Variants in CASK observed in about 807,000 individuals in gnomAD.
The protein encoded by CASK is calcium/calmodulin dependent serine protein kinase.
CASK carries 4 observed loss-of-function variants against 82.9 expected under a neutral mutation model. That is an observed-to-expected ratio of 0.05 (90% confidence interval 0.02 to 0.11). The LOEUF (loss-of-function observed/expected upper bound fraction) is 0.11, where lower values mean the gene tolerates loss of function less well. Among genes scored for constraint, CASK ranks in the 10% least tolerant of loss-of-function variants. The pLI, the probability that CASK is intolerant of heterozygous loss-of-function variation, is 1.00. For synonymous variants in CASK, 259 were observed against 253.5 expected (o/e 1.02, Z -0.20); for missense variants, 358 against 720.9 (o/e 0.50, Z 5.76).
intron 1 of CASK, among the ~76,000 whole-genome samples, chrX:41,878,167 A>T (rs989708364): frequency 1.8e-4 from 18 of 98,107 alleles, no homozygotes; most frequent in Non-Finnish European, 3.3e-4. Context: ...AAATATTCTT[A>T]AAAAAAAAAA....
At chrX:41,678,725 G>C (rs1309232825) in intron 5 of CASK, among the ~76,000 whole-genome samples, 1 of 111,042 alleles carries the variant, frequency 9.0e-6, no homozygotes, top group African/African-American at 3.3e-5. Context: ...TCAACATTTT[G>C]TTATGAAAAC....
At chrX:41,856,056 A>G (rs1291751363) in intron 1 of CASK, among the ~76,000 whole-genome samples, 2 of 112,325 alleles carry the variant, frequency 1.8e-5, no homozygotes, top group Non-Finnish European at 3.8e-5. Context: ...ACACAGACTA[A>G]TATCCTCTAG....
chrX:41,906,237 C>G (rs979605513), intron 1 of CASK, among the ~76,000 whole-genome samples: 7 of 112,015 alleles, frequency 6.2e-5, no homozygotes, highest in Non-Finnish European at 1.1e-4. Flanking sequence ...AGACACTACT[C>G]TAGGTTGTAG....
intron 16 of CASK, among the ~76,000 whole-genome samples, chrX:41,566,762 A>G (rs897078170): frequency 4.8e-5 from 5 of 103,168 alleles, no homozygotes; most frequent in African/African-American, 1.7e-4. Flanking sequence ...GGACCCAAAA[A>G]AGAGCCCGCA....
chrX:41,848,240 G>A (rs2071196629), intron 2 of CASK, among the ~76,000 whole-genome samples: 1 of 111,581 alleles, frequency 9.0e-6, no homozygotes, highest in Non-Finnish European at 1.9e-5. Flanking sequence ...ATTGCAAGAG[G>A]GGTTGCTATA....
intron 4 of CASK, among the ~76,000 whole-genome samples, chrX:41,740,560 C>T: frequency 9.0e-6 from 1 of 111,431 alleles, no homozygotes; most frequent in Non-Finnish European, 1.9e-5. Flanking sequence ...TTTAATCAAG[C>T]TCACAGGAAT....
intron 2 of CASK, among the ~76,000 whole-genome samples, chrX:41,796,562 A>G (rs1271136638): frequency 8.9e-6 from 1 of 112,129 alleles, no homozygotes; most frequent in Non-Finnish European, 1.9e-5. Flanking sequence ...CCTCAAGATG[A>G]CCATAGGGTT....
chrX:41,873,785 CTTTTTTT>C (rs781735208), intron 1 of CASK, among the ~76,000 whole-genome samples: 3 of 88,603 alleles, frequency 3.4e-5, no homozygotes, highest in Non-Finnish European at 4.5e-5. Flanking sequence ...TTTGTTGTTC[CTTTTTTT>C]TTTTTTTTTT....
intron 2 of CASK, among the ~76,000 whole-genome samples, chrX:41,847,950 T>C (rs954065564): frequency 1.8e-5 from 2 of 112,287 alleles, no homozygotes; most frequent in African/African-American, 3.2e-5. Flanking sequence ...CCTTCTTAGA[T>C]TTTTCCTGAG....
At chrX:41,658,298 A>G (rs185508950) in intron 8 of CASK, among the ~76,000 whole-genome samples, 193 of 112,259 alleles carry the variant, frequency 1.7e-3, no homozygotes, top group Non-Finnish European at 3.0e-3. Flanking sequence ...GGTGTCCCCA[A>G]TTTGTAGTTG....
At chrX:41,835,079 G>A (rs892030852) in intron 2 of CASK, among the ~76,000 whole-genome samples, 2 of 111,706 alleles carry the variant, frequency 1.8e-5, no homozygotes, top group African/African-American at 3.3e-5. Flanking sequence ...AATTCTCTAC[G>A]TCACATAATG....
chrX:41,624,877 C>T (rs2066340323), intron 10 of CASK, among the ~76,000 whole-genome samples: 4 of 110,652 alleles, frequency 3.6e-5, no homozygotes, highest in African/African-American at 1.3e-4. Flanking sequence ...GGCCTCAGTC[C>T]CAGTGGTAAT....
chrX:41,808,466 CTAAA>C (rs1238670995), intron 2 of CASK, among the ~76,000 whole-genome samples: 1 of 111,960 alleles, frequency 8.9e-6, no homozygotes, highest in Non-Finnish European at 1.9e-5. Context: ...CACTGAAATG[CTAAA>C]TAAATGTTAG....
chrX:41,829,696 GATATATATATATATAT>G (rs55730177), intron 2 of CASK, among the ~76,000 whole-genome samples: 17 of 16,259 alleles, frequency 1.0e-3, no homozygotes, highest in East Asian at 8.1e-3. Flanking sequence ...TAGGTCACAA[GATATATATATATATAT>G]ATATATATAT....
intron 16 of CASK, among the ~76,000 whole-genome samples, chrX:41,564,558 C>T (rs781155918): frequency 1.3e-4 from 14 of 111,241 alleles, no homozygotes; most frequent in Non-Finnish European, 2.5e-4. Flanking sequence ...AAGAATAGGA[C>T]GGGATGTCTA....
chrX:41,766,712 C>T (rs1457251177), intron 3 of CASK, among the ~76,000 whole-genome samples: 1 of 111,568 alleles, frequency 9.0e-6, no homozygotes, highest in African/African-American at 3.3e-5. Context: ...AATGGTGAAA[C>T]GCTGTCTCTA....
intron 3 of CASK, among the ~76,000 whole-genome samples, chrX:41,778,325 G>A (rs1332797897): frequency 1.8e-5 from 2 of 108,802 alleles, no homozygotes; most frequent in Admixed American, 2.0e-4. Flanking sequence ...CTGCCTCCCA[G>A]GTTCAAGTGA....
intron 1 of CASK, among the ~76,000 whole-genome samples, chrX:41,901,152 T>A (rs150857458): frequency 8.9e-6 from 1 of 112,178 alleles, no homozygotes; most frequent in Non-Finnish European, 1.9e-5. Flanking sequence ...TTATCGGTGA[T>A]CCTTGCAGTT....
chrX:41,808,859 C>T (rs955205260), intron 2 of CASK, among the ~76,000 whole-genome samples: 3 of 112,479 alleles, frequency 2.7e-5, no homozygotes, highest in Non-Finnish European at 5.6e-5. Flanking sequence ...TGGAAAATCG[C>T]GTCACTCTCA....
Sources: allele counts gnomAD v4.1 joint callset (sites outside exome capture counted in the v4.1 genomes callset), GRCh38; gene constraint gnomAD v4.1.1; transcripts MANE v1.5; gene names NCBI Gene and HGNC (gene_info 2026-07-23, HGNC 2026-07-21).